Variants in UBE3C observed in about 807,000 individuals in gnomAD.
UBE3C encodes the protein ubiquitin-protein ligase E3C.
In UBE3C, 42 loss-of-function variants were observed where a neutral mutation model predicts 129.4. The ratio of observed to expected loss-of-function variants is 0.32; its 90% confidence interval spans 0.25 to 0.42. The LOEUF (loss-of-function observed/expected upper bound fraction) is 0.42, where lower values mean the gene tolerates loss of function less well. Ranked by LOEUF, UBE3C falls within the 10% of genes least tolerant of loss-of-function variation. UBE3C has a pLI of 1.00. For missense variants in UBE3C, 1,049 were observed against 1,319.1 expected (o/e 0.80, Z 3.17); for synonymous variants, 510 against 492.4 (o/e 1.04, Z -0.47).
intron 19 of UBE3C, among the ~76,000 whole-genome samples, chr7:157,250,591 G>A (rs1054807145): frequency 4.6e-5 from 7 of 152,154 alleles, no homozygotes; most frequent in African/African-American, 1.7e-4. Flanking sequence ...CCAAAGTGCT[G>A]GGATTACAGA....
chr7:157,207,254 TTTACC>T, intron 11 of UBE3C, 139 bp from the exon 12 acceptor site: 1 of 1,161,552 alleles, frequency 8.6e-7, no homozygotes, highest in Non-Finnish European at 1.2e-6. Flanking sequence ...CCATGGTGAC[TTTACC>T]TTGCCTTTAA....
chr7:157,208,055 CTTTTTTTTTTTTTTTTTTTTTTTTTT>C (rs35366316), intron 13 of UBE3C, 120 bp downstream of exon 13: 8 of 93,718 alleles, frequency 8.5e-5, no homozygotes, highest in Middle Eastern at 5.0e-3. Flanking sequence ...ATTTGCAAGA[CTTTTTTTTTTTTTTTTTTTTTTTTTT>C]TTTTTTTTTT....
chr7:157,265,747 A>G (rs1471822128), intron 22 of UBE3C, among the ~76,000 whole-genome samples: 2 of 152,198 alleles, frequency 1.3e-5, no homozygotes, highest in East Asian at 1.9e-4. Flanking sequence ...TCATGCGTGC[A>G]TTTCATCTCT....
intron 1 of UBE3C, 39 bp downstream of exon 1, chr7:157,139,377 C>T (rs1807358429): frequency 6.6e-7 from 1 of 1,515,210 alleles, no homozygotes; most frequent in South Asian, 1.2e-5. Context: ...GGCTCGGGGC[C>T]TGCGCGGCCG....
chr7:157,252,117 C>T (rs530131569), intron 19 of UBE3C, among the ~76,000 whole-genome samples: 6 of 151,504 alleles, frequency 4.0e-5, no homozygotes, highest in African/African-American at 1.5e-4. Flanking sequence ...GTGTGGGTGA[C>T]AGAGTGAGAC....
chr7:157,142,903 G>T, intron 1 of UBE3C, among the ~76,000 whole-genome samples: 1 of 150,058 alleles, frequency 6.7e-6, no homozygotes, highest in Admixed American at 6.6e-5. Flanking sequence ...GGAGCGCAGT[G>T]TTGCCCAGGC....
chr7:157,139,551 C>T (rs1388311381), intron 1 of UBE3C, among the ~76,000 whole-genome samples: 1 of 151,740 alleles, frequency 6.6e-6, no homozygotes, highest in African/African-American at 2.4e-5. Context: ...GACTTGGGGC[C>T]AGGACTCTGG....
At chr7:157,242,400 T>TA (rs2116664425) in intron 18 of UBE3C, among the ~76,000 whole-genome samples, 1 of 152,350 alleles carries the variant, frequency 6.6e-6, no homozygotes, top group East Asian at 1.9e-4. Context: ...TCTAGTCTGA[T>TA]ATTTTATTCT....
intron 16 of UBE3C, among the ~76,000 whole-genome samples, chr7:157,224,456 A>C (rs1795820000): frequency 6.6e-6 from 1 of 152,122 alleles, no homozygotes; most frequent in South Asian, 2.1e-4. Context: ...AGCCTCCCAA[A>C]GTGCTGAAAT....
chr7:157,246,278 C>G (rs1187952559), intron 18 of UBE3C, among the ~76,000 whole-genome samples: 3 of 152,174 alleles, frequency 2.0e-5, no homozygotes, highest in African/African-American at 7.2e-5. Context: ...TGGTTGGAAG[C>G]TGTGACTAAG....
At chr7:157,216,709 G>A (rs997763008) in intron 13 of UBE3C, among the ~76,000 whole-genome samples, 158 bp from the exon 14 acceptor site, 2 of 152,188 alleles carry the variant, frequency 1.3e-5, no homozygotes, top group African/African-American at 4.8e-5. Context: ...TTATTGTGAT[G>A]GCAAAAAGAA....
intron 10 of UBE3C, among the ~76,000 whole-genome samples, chr7:157,198,724 G>A (rs1253691441): frequency 1.3e-5 from 2 of 152,064 alleles, no homozygotes; most frequent in African/African-American, 4.8e-5. Flanking sequence ...TAGTAGAGAC[G>A]GGGTTTCACC....
rs376722650 is a variant in UBE3C, at chr7:157,181,639, C to T, written c.738C>T (p.His246=). The part of the protein sequence containing the change: ...ILLENVLKPL[H]FTYNSCPEGA... ...TAGAGAATGTTCTAAAACCATTGCA[C>T]TTTACTTACAACTCCTGTCCGGAAG... Residue 246 remains histidine, a synonymous_variant, in exon 7 of 23, where the codon CAC becomes CAT. Coordinates refer to ENST00000348165, the MANE Select transcript of UBE3C (RefSeq NM_014671.3). 596 of 1,613,508 alleles carry T rather than the reference C, an allele frequency of 3.7e-4. No homozygotes were observed. The highest frequency in any genetic ancestry group is 5.0e-4 in the Non-Finnish European group (587 of 1,179,896).
chr7:157,170,497 G>A (rs767998135), intron 4 of UBE3C, 47 bp downstream of exon 4: 1 of 1,436,030 alleles, frequency 7.0e-7, no homozygotes, highest in Non-Finnish European at 9.2e-7. Context: ...CACGTGTTCT[G>A]CTTTTTTGTT....
At position 157,170,408 on chromosome 7, in the gene UBE3C, G is replaced by T. The variant is rs767370362; in HGVS notation, c.300G>T (p.Gln100His). 6.4e-7 allele frequency: 1 copy of T among 1,568,042 alleles called. No homozygotes were observed. Among genetic ancestry groups the T allele is most frequent in the Non-Finnish European group, 8.6e-7 (1 of 1,160,210 alleles). ...CCAACCTTACCCTTTTGGTAAGGCA[G>T]CTTCTGTTTTTTTACAAACAAAATG... ...NGPNLTLLVR[Q>H]LLFFYKQNED... Residue 100 changes from glutamine to histidine, a missense_variant, in exon 4 of 23, where the codon CAG becomes CAT. Physicochemically the swap from Gln to His is conservative, Grantham distance 24. Coordinates refer to ENST00000348165, the MANE Select transcript of UBE3C (RefSeq NM_014671.3).
intron 18 of UBE3C, among the ~76,000 whole-genome samples, chr7:157,241,676 C>T (rs1248636832): frequency 6.6e-6 from 1 of 152,174 alleles, no homozygotes; most frequent in Non-Finnish European, 1.5e-5. Flanking sequence ...TACCTTTGGA[C>T]CCAGCAAACA....
Position 157,204,398 on chromosome 7 carries a change from CAAAAAAAA to C in UBE3C, c.1418+2604_1418+2611del, listed in dbSNP as rs35298527. Among the ~76,000 whole-genome samples, 17 of 86,398 alleles carry C rather than the reference CAAAAAAAA, an allele frequency of 2.0e-4. 1 individual carries two copies. The South Asian group carries it at 7.1e-3, about 36-fold the overall frequency. The allele number at this position is 86,398 out of a possible 152,430, so 56.7% of individuals were successfully genotyped here. A position where few individuals can be genotyped will look rare whatever the true frequency, so the allele number is the denominator to read the frequency against. On this transcript the variant is annotated intron_variant, in intron 11 of 22. Transcript: ENST00000348165. The stretch of plus-strand genomic sequence containing the variant: ...GGGTAACAAGAGGGAAACTTTGTTT[CAAAAAAAA>C]AAAAAAAAAAAATTTCAGCTTCTCT...
chr7:157,169,273 T>TTA (rs1808300510), intron 3 of UBE3C, 151 bp downstream of exon 3: 1 of 564,984 alleles, frequency 1.8e-6, no homozygotes, highest in African/African-American at 1.9e-5. Context: ...TTGTGAAGAT[T>TTA]TATAGATAGG....
chr7:157,182,818 A>G lies in UBE3C; in HGVS notation c.991+490A>G, dbSNP rs555645009. Among the ~76,000 whole-genome samples the G allele has an allele frequency of 1.2e-3, 178 of 152,164 alleles. 1 individual carries two copies. The highest frequency in any genetic ancestry group is 3.9e-3 in the African/African-American group (162 of 41,516). ...GGCTGGAGTGCAGTGGCTCCATCTC[A>G]GCTCACTGCAACCTCCGCCTCCCGG... On this transcript the variant is annotated intron_variant, in intron 8 of 22. Transcript: ENST00000348165.
Sources: allele counts gnomAD v4.1 joint callset (sites outside exome capture counted in the v4.1 genomes callset), GRCh38; gene constraint gnomAD v4.1.1; transcripts MANE v1.5; gene names NCBI Gene and HGNC (gene_info 2026-07-23, HGNC 2026-07-21).